CROCC: variants seen among roughly 807,000 people sequenced by gnomAD.
CROCC encodes ciliary rootlet coiled-coil, rootletin.
A neutral mutation model predicts 245.2 loss-of-function variants in CROCC; 180 were observed. That is an observed-to-expected ratio of 0.73 (90% CI 0.65 to 0.83). The LOEUF is 0.83. Ranked by LOEUF, CROCC falls within the 40% of genes least tolerant of loss-of-function variation. The pLI is 0.00. For synonymous variants in CROCC, 1,205 were observed against 1,241.6 expected, an observed-to-expected ratio of 0.97 and a Z score of 0.62; for missense variants, 2,688 against 2,779.4, an observed-to-expected ratio of 0.97 and a Z score of 0.74.
chr1:16,939,971 G>T lies in CROCC; in HGVS notation c.1686G>T (p.Glu562Asp). 1 of 1,612,658 alleles carries T rather than the reference G, an allele frequency of 6.2e-7. No individual in the cohort carries two copies. ...AGCAGCTTAGCGACAGCGAGAGCGAGCGGCGGGCCCTAGAGGAACAGCTGC... is the reference window on the plus strand; with the variant it reads ...AGCAGCTTAGCGACAGCGAGAGCGATCGGCGGGCCCTAGAGGAACAGCTGC... ...LRKQLSDSES[E>D]RRALEEQLQR... The change falls in exon 13 of 37, where the codon GAG becomes GAT. Residue 562 changes from glutamate (E) to aspartate (D), a missense_variant. This residue lies in a region of CROCC where 972 missense variants were observed against 895.3 expected (regional missense o/e 1.09). Transcript: ENST00000375541.
chr1:16,971,082 T>C (rs1476342583), intron 35 of CROCC: 2 of 439,856 alleles, frequency 4.5e-6, no homozygotes, highest in Admixed American at 3.9e-5. Context: ...CTAGGTATTA[T>C]GAATATGTGT....
intron 8 of CROCC, among the ~76,000 whole-genome samples, chr1:16,935,673 C>T (rs1221375465): frequency 6.6e-6 from 1 of 152,278 alleles, no homozygotes; most frequent in Non-Finnish European, 1.5e-5. Flanking sequence ...ATCCGCCCTC[C>T]TCGGCCTCCC....
chr1:16,970,339 C>T lies in CROCC; in HGVS notation c.5538C>T (p.Arg1846=), dbSNP rs981979745. Residue 1846 remains arginine, a synonymous_variant, in exon 34 of 37, where the codon CGC becomes CGT. Transcript: ENST00000375541. ...LQDERRLLQE[R]LGSLQRALAQ... The stretch of plus-strand genomic sequence containing the variant: ...ACGAGCGGCGGCTGCTGCAGGAGCG[C>T]CTGGGAAGCCTGCAGCGCGCCCTGG... The T allele has an allele frequency of 7.5e-6, 12 of 1,589,442 alleles. No individual in the cohort carries two copies. In the Admixed American group the frequency reaches 1.4e-4, roughly 19 times the overall value.
At chr1:16,941,599 GCAGGCACCTATAGTCC>G (rs1557604957) in intron 13 of CROCC, among the ~76,000 whole-genome samples, 1 of 152,236 alleles carries the variant, frequency 6.6e-6, no homozygotes, top group African/African-American at 2.4e-5. Flanking sequence ...GGGCGTGGTG[GCAGGCACCTATAGTCC>G]CAGCTACTTG....
upstream of CROCC, among the ~76,000 whole-genome samples, chr1:16,921,247 T>G (rs2075397843): frequency 6.6e-6 from 1 of 152,080 alleles, no homozygotes; most frequent in Non-Finnish European, 1.5e-5. Context: ...TCAGTGTCCC[T>G]GGTGCACCCA....
At chr1:16,940,578 C>T (rs1190337689) in intron 13 of CROCC, among the ~76,000 whole-genome samples, 2 of 152,162 alleles carry the variant, frequency 1.3e-5, no homozygotes, top group Non-Finnish European at 2.9e-5. Context: ...TTAGTAGAGA[C>T]GGGGTTTCAC....
chr1:16,914,233 C>T (rs944009976), intron 1 of CROCC, among the ~76,000 whole-genome samples: 10 of 152,082 alleles, frequency 6.6e-5, no homozygotes, highest in African/African-American at 2.2e-4. Context: ...AGCCACGTAC[C>T]GGGGCTGGGG....
rs572221552 is a variant in CROCC, at chr1:16,955,539, C to T, written c.3693C>T (p.Ser1231=). The T allele has an allele frequency of 7.1e-6, 11 of 1,541,862 alleles. No individual in the cohort carries two copies. Among genetic ancestry groups the T allele is most frequent in the African/African-American group, 4.1e-5 (3 of 73,632 alleles). ...GGTCTGCTGTGAAGAAGGCAGAGAG[C>T]GAGCGCATCAGGTGGGGTGTCGCAG... ...ELRSAVKKAE[S]ERISLKLANE... The change falls in exon 24 of 37, where the codon AGC becomes AGT. Residue 1231 remains serine, a synonymous_variant. Transcript: ENST00000375541.
rs142373017 is a variant in CROCC at position 16,931,325 on chromosome 1, G to A, written c.884G>A (p.Arg295His). 1.2e-5 allele frequency: 19 copies of A among 1,612,392 alleles called. No individual in the cohort carries two copies. The highest frequency in any genetic ancestry group is 5.3e-5 in the African/African-American group (4 of 74,942). ...GCCTACTTCAGCAACGAGCACAGTC[G>A]CCTGCTCCTCCTCTGGAGGCAGGTG... The part of the protein sequence containing the change: ...FNAYFSNEHS[R>H]LLLLWRQVVG... The change falls in exon 8 of 37, where the codon CGC becomes CAC. Residue 295 changes from arginine to histidine, a missense_variant. This residue lies in a region of CROCC where 972 missense variants were observed against 895.3 expected (regional missense o/e 1.09). Coordinates refer to ENST00000375541, the MANE Select transcript of CROCC (RefSeq NM_014675.5).
upstream of CROCC, among the ~76,000 whole-genome samples, chr1:16,919,932 C>T (rs2075367860): frequency 6.6e-6 from 1 of 152,370 alleles, no homozygotes; most frequent in Non-Finnish European, 1.5e-5. Context: ...TGCCCTGTCA[C>T]CCAGGCTGGA....
intron 27 of CROCC, among the ~76,000 whole-genome samples, chr1:16,961,353 C>T (rs2076330707): frequency 6.6e-6 from 1 of 151,872 alleles, no homozygotes; most frequent in African/African-American, 2.4e-5. Flanking sequence ...TAGACCAGGC[C>T]TCATCTGTTT....
At chr1:16,951,219 C>T (rs1369120737) in intron 20 of CROCC, 97 bp downstream of exon 20, 25 of 1,168,704 alleles carry the variant, frequency 2.1e-5, no homozygotes, top group Non-Finnish European at 2.4e-5. Flanking sequence ...AATGGGACTT[C>T]CTCTCTGTTG....
At chr1:16,920,327 T>C (rs1570572822), upstream of CROCC, among the ~76,000 whole-genome samples, 1 of 152,370 alleles carries the variant, frequency 6.6e-6, no homozygotes, top group Non-Finnish European at 1.5e-5. Context: ...TCCGCCTGCC[T>C]CAGCATCCCA....
At chr1:16,971,036 G>A (rs1042001275) in intron 35 of CROCC, 6 of 457,140 alleles carry the variant, frequency 1.3e-5, no homozygotes, top group African/African-American at 1.2e-4. Flanking sequence ...CGATTCTTGT[G>A]TATGGAGCAT....
chr1:16,945,546 C>A lies in CROCC; in HGVS notation c.2076C>A (p.Ala692=). ...AGGTGAGGGAGGCGCTGAGCCGCGC[C>A]ACACTGCAACGGGACATGCTGCAGG... ...LVEVREALSR[A]TLQRDMLQAE... is the part of the protein sequence containing the mutation. Residue 692 remains alanine (A), a synonymous_variant, in exon 15 of 37, where the codon GCC becomes GCA. Transcript: ENST00000375541. 1.2e-6 allele frequency: 2 copies of A among 1,612,310 alleles called. No individual in the cohort carries two copies. The highest frequency in any genetic ancestry group is 2.2e-5 in the South Asian group (2 of 90,968).
At chr1:16,941,044 G>C in intron 13 of CROCC, 1 of 262,694 alleles carries the variant, frequency 3.8e-6, no homozygotes, top group South Asian at 3.3e-5. Context: ...ATTTTTTGTA[G>C]AGATGGGGGT....
rs146777794 is a variant in CROCC, at chr1:16,969,897, G to A, written c.5414G>A (p.Arg1805Gln). ...RGEVADLELQRVEAEGQLQQL... is the reference protein window; with the variant it reads ...RGEVADLELQQVEAEGQLQQL... ...GAGGTGGCTGACCTGGAACTGCAGCGGGTGGAGGCCGAGGGCCAGCTACAA... is the reference window on the plus strand; with the variant it reads ...GAGGTGGCTGACCTGGAACTGCAGCAGGTGGAGGCCGAGGGCCAGCTACAA... The change falls in exon 33 of 37, where the codon CGG (arginine) becomes CAG (glutamine). Residue 1805 changes from arginine to glutamine, a missense_variant. By Grantham distance (43) the Arg-to-Gln change is conservative. Transcript: ENST00000375541. 46 of 1,609,404 alleles carry A rather than the reference G, an allele frequency of 2.9e-5. No individual in the cohort carries two copies. The African/African-American group carries it at 3.5e-4, about 12-fold the overall frequency.
At chr1:16,932,306 G>T (rs1183478382) in intron 8 of CROCC, among the ~76,000 whole-genome samples, 1 of 152,230 alleles carries the variant, frequency 6.6e-6, no homozygotes, top group Non-Finnish European at 1.5e-5. Flanking sequence ...CGGGCATAGT[G>T]GTGCATGCCT....
rs1044243325 is a variant in CROCC at position 16,968,315 on chromosome 1, G to A, written c.4973G>A (p.Arg1658Gln). The A allele has an allele frequency of 2.5e-5, 38 of 1,549,654 alleles. 1 individual carries two copies. Among genetic ancestry groups the A allele is most frequent in the African/African-American group, 6.8e-5 (5 of 73,034 alleles). Residue 1658 changes from arginine to glutamine, a missense_variant, in exon 31 of 37, where the codon CGG becomes CAG. Around this residue, in one of 9 missense-constraint regions of CROCC, gnomAD observed 1,218 missense variants for 1,286.3 expected, o/e 0.95. Coordinates refer to ENST00000375541, the MANE Select transcript of CROCC (RefSeq NM_014675.5). ...ESRTVKLELQ[R>Q]RSLEGELQRS... is the part of the protein sequence containing the mutation. ...CGCACTGTCAAGCTGGAGCTGCAGC[G>A]GCGCTCGCTTGAGGGGGAGCTGCAG...
Sources: gnomAD v4.1 joint callset for allele counts (sites outside exome capture counted in the v4.1 genomes callset) on GRCh38, gnomAD v4.1.1 for gene constraint, gnomAD v4.1.1 regional missense constraint, MANE v1.5 for transcripts, NCBI Gene and HGNC (gene_info 2026-07-23, HGNC 2026-07-21) for gene names.